NLRP8: variants seen among roughly 807,000 people sequenced by gnomAD.
NLRP8 encodes NACHT, LRR and PYD domains-containing protein 8.
In NLRP8, 86 loss-of-function variants were observed where a neutral mutation model predicts 88.7. The ratio of observed to expected loss-of-function variants is 0.97; its 90% CI spans 0.81 to 1.16. The LOEUF (loss-of-function observed/expected upper bound fraction) is 1.16, where lower values mean the gene tolerates loss of function less well. Ranked by LOEUF, NLRP8 falls within the 50% of genes most tolerant of loss-of-function variation. The pLI is 0.00. For synonymous variants in NLRP8, 504 were observed against 494.6 expected, an observed-to-expected ratio of 1.02 and a Z score of -0.25; for missense variants, 1,342 against 1,286.5, an observed-to-expected ratio of 1.04 and a Z score of -0.66.
intron 1 of NLRP8, 37 bp downstream of exon 1, chr19:55,948,306 T>C: frequency 6.3e-7 from 1 of 1,574,956 alleles, no homozygotes. Flanking sequence ...GGGGGTGGGC[T>C]TGGCTGCTGG....
Position 55,973,763 on chromosome 19 carries a change from A to C in NLRP8, c.2646A>C (p.Glu882Asp). 6.2e-7 allele frequency: 1 copy of C among 1,614,092 alleles called. No individual in the cohort carries two copies. Among genetic ancestry groups the C allele is most frequent in the Non-Finnish European group, 8.5e-7 (1 of 1,179,962 alleles). Reference sequence around the variant, plus strand: ...TGGCAGAAAACGCCTTGAAAGATGAAGGGGCCAAGCATATTTGGAATGCCC... The same window carrying C: ...TGGCAGAAAACGCCTTGAAAGATGACGGGGCCAAGCATATTTGGAATGCCC... The change falls in exon 7 of 10, where the codon GAA becomes GAC. Residue 882 changes from glutamate to aspartate, a missense_variant. Glu to Asp is a conservative substitution (Grantham distance 45, BLOSUM62 2). Transcript: ENST00000291971.
Position 55,953,502 on chromosome 19 carries a change from C to A in NLRP8, c.442+890C>A, listed in dbSNP as rs536669018. 5.5e-3 allele frequency among the ~76,000 whole-genome samples: 815 copies of A among 149,086 alleles called. 2 individuals carry two copies. The highest frequency in any genetic ancestry group is 9.5e-3 in the Non-Finnish European group (642 of 67,838). On this transcript the variant is annotated intron_variant, in intron 2 of 9. Coordinates refer to ENST00000291971, the MANE Select transcript of NLRP8 (RefSeq NM_176811.2). Reference sequence around the variant, plus strand: ...TATTTCTTTCTTTCTTTCTTTCTTTCTTTATTTTTTTTGAGACGGAGTCTC... The same window carrying A: ...TATTTCTTTCTTTCTTTCTTTCTTTATTTATTTTTTTTGAGACGGAGTCTC...
intron 2 of NLRP8, 71 bp from the exon 3 acceptor site, chr19:55,954,430 T>C: frequency 6.8e-7 from 1 of 1,471,874 alleles, no homozygotes; most frequent in Non-Finnish European, 9.3e-7. Flanking sequence ...ACTGGTTTTC[T>C]TATTGCTCTA....
chr19:55,981,997 C>A (rs574759833), intron 9 of NLRP8, among the ~76,000 whole-genome samples: 3 of 151,762 alleles, frequency 2.0e-5, no homozygotes, highest in Non-Finnish European at 4.4e-5. Flanking sequence ...CACCTCCTAG[C>A]TTCAAGTGAT....
intron 6 of NLRP8, 99 bp downstream of exon 6, chr19:55,970,795 C>T: frequency 6.8e-7 from 1 of 1,472,348 alleles, no homozygotes; most frequent in Non-Finnish European, 9.3e-7. Context: ...AGGGAAGGTA[C>T]ATGTATAGGA....
intron 9 of NLRP8, among the ~76,000 whole-genome samples, chr19:55,980,022 G>A (rs756016598): frequency 9.2e-5 from 14 of 152,176 alleles, no homozygotes; most frequent in Non-Finnish European, 1.9e-4. Flanking sequence ...TAATGTAGCT[G>A]TTCAAACCCC....
intron 5 of NLRP8, 125 bp from the exon 6 acceptor site, chr19:55,970,419 A>C (rs1001329644): frequency 8.7e-7 from 1 of 1,143,880 alleles, no homozygotes; most frequent in Non-Finnish European, 1.2e-6. Context: ...CTGGCCGGAA[A>C]GTTGGAAATA....
chr19:55,953,866 A>G (rs1027590291), intron 2 of NLRP8, among the ~76,000 whole-genome samples: 2 of 140,480 alleles, frequency 1.4e-5, no homozygotes, highest in African/African-American at 5.5e-5. Context: ...CAGTGGCGCA[A>G]TCTTGGCTCA....
rs182383414 is a variant in NLRP8, at chr19:55,951,914, A to C, written c.368-624A>C. Among the ~76,000 whole-genome samples, 15 of 151,518 alleles carry C rather than the reference A, an allele frequency of 9.9e-5. No individual in the cohort carries two copies. In the East Asian group the frequency reaches 2.9e-3, roughly 29 times the overall value. ...ATAGGCATGCCACCATGCCTGGCTA[A>C]TTATTTTTTATTTTTTTAGTAGAGT... On this transcript the variant is annotated intron_variant, in intron 1 of 9. Transcript: ENST00000291971.
rs150630809 is a variant in NLRP8 at position 55,955,344 on chromosome 19, G to A, written c.1286G>A (p.Arg429Gln). The A allele has an allele frequency of 6.3e-4, 1,010 of 1,614,112 alleles. 1 individual carries two copies. Among genetic ancestry groups the A allele is most frequent in the Non-Finnish European group, 7.9e-4 (938 of 1,180,020 alleles). The change falls in exon 3 of 10, where the codon CGG (arginine) becomes CAG (glutamine). Residue 429 changes from arginine to glutamine, a missense_variant. Arg to Gln is a conservative substitution (Grantham distance 43). Coordinates refer to ENST00000291971, the MANE Select transcript of NLRP8 (RefSeq NM_176811.2). Reference sequence around the variant, plus strand: ...CCAAATGCCACCTCTGTGTTCGTCCGGTATATTTCTAGCTTGTTTCCCACC... The same window carrying A: ...CCAAATGCCACCTCTGTGTTCGTCCAGTATATTTCTAGCTTGTTTCCCACC...
At chr19:55,983,687 C>A (rs1228602358) in intron 9 of NLRP8, among the ~76,000 whole-genome samples, 1 of 151,600 alleles carries the variant, frequency 6.6e-6, no homozygotes, top group Non-Finnish European at 1.5e-5. Flanking sequence ...AATAAGAAGA[C>A]AAATGGATAT....
At chr19:55,975,098 C>G (rs1257519480) in intron 7 of NLRP8, among the ~76,000 whole-genome samples, 2 of 152,124 alleles carry the variant, frequency 1.3e-5, no homozygotes, top group African/African-American at 4.8e-5. Flanking sequence ...TTTGTTTGCT[C>G]TAGAGAGCTG....
At chr19:55,961,380 G>T (rs1568462277) in intron 3 of NLRP8, among the ~76,000 whole-genome samples, 1 of 152,068 alleles carries the variant, frequency 6.6e-6, no homozygotes, top group Non-Finnish European at 1.5e-5. Flanking sequence ...GTGTCAAAAA[G>T]ATTAATTTTT....
Position 55,970,570 on chromosome 19 carries a change from G to A in NLRP8, c.2408G>A (p.Arg803Lys). The A allele has an allele frequency of 6.2e-7, 1 of 1,614,096 alleles. No homozygotes were observed. Among genetic ancestry groups the A allele is most frequent in the Admixed American group, 1.7e-5 (1 of 60,010 alleles). The change falls in exon 6 of 10, where the codon AGA becomes AAA. Residue 803 changes from arginine to lysine, a missense_variant. Coordinates refer to ENST00000291971, the MANE Select transcript of NLRP8 (RefSeq NM_176811.2). The stretch of plus-strand genomic sequence containing the variant: ...TTGGAAGACTGCTTGGCCACCCCTA[G>A]AATTTGGACTGATCTTGGCAATAAT...
rs1980981808 is a variant in NLRP8, at chr19:55,988,555, T to C, written c.*642T>C. ...TCATCGTCTTCTTGCTTCTTCTACCTTTATTTATTCTCAGCTCTGAATGTA... is the reference window on the plus strand; with the variant it reads ...TCATCGTCTTCTTGCTTCTTCTACCCTTATTTATTCTCAGCTCTGAATGTA... On this transcript the variant is annotated 3_prime_UTR_variant, in exon 10 of 10. Transcript: ENST00000291971. 1 of 151,298 alleles carries C rather than the reference T, an allele frequency of 6.6e-6. No homozygotes were observed. Among genetic ancestry groups the C allele is most frequent in the African/African-American group, 2.4e-5 (1 of 41,138 alleles). 9.4% of individuals were successfully genotyped at this position (151,298 alleles called of 1,614,324 possible).
intron 3 of NLRP8, 31 bp downstream of exon 3, chr19:55,956,131 C>T (rs186177197): frequency 5.7e-5 from 90 of 1,580,408 alleles, no homozygotes; most frequent in Non-Finnish European, 7.0e-5. Context: ...TTGGGTAGCC[C>T]GTCCTACCCG....
chr19:55,952,155 G>A (rs756737615), intron 1 of NLRP8, among the ~76,000 whole-genome samples: 3 of 152,056 alleles, frequency 2.0e-5, no homozygotes, highest in Non-Finnish European at 4.4e-5. Flanking sequence ...TAGATCCCAC[G>A]GTAATGAAAG....
At chr19:55,972,584 C>T (rs1327831938) in intron 6 of NLRP8, among the ~76,000 whole-genome samples, 1 of 151,940 alleles carries the variant, frequency 6.6e-6, no homozygotes, top group East Asian at 1.9e-4. Context: ...TGCCACCCCC[C>T]ACCCTTTCCC....
chr19:55,967,840 C>CAA (rs930914295), intron 5 of NLRP8, among the ~76,000 whole-genome samples: 1 of 152,198 alleles, frequency 6.6e-6, no homozygotes, highest in Admixed American at 6.5e-5. Flanking sequence ...TATTAAACAA[C>CAA]AAAAGTCATA....
Sources: allele counts gnomAD v4.1 joint callset (sites outside exome capture counted in the v4.1 genomes callset), GRCh38; gene constraint gnomAD v4.1.1; transcripts MANE v1.5; gene names NCBI Gene and HGNC (gene_info 2026-07-23, HGNC 2026-07-21).